The following DLC1 variants were observed in gnomAD, a reference collection of about 807,000 sequenced individuals.
DLC1 encodes the protein rho GTPase-activating protein 7.
A neutral mutation model predicts 140.3 loss-of-function variants in DLC1; 54 were observed. The observed-to-expected ratio is 0.38, with a 90% confidence interval of 0.31 to 0.48. The LOEUF is 0.48. Among genes scored for constraint, DLC1 ranks in the 20% least tolerant of loss-of-function variants. The pLI, the probability that DLC1 is intolerant of heterozygous loss-of-function variation, is 0.96. For synonymous variants in DLC1, 986 were observed against 728.1 expected, an observed-to-expected ratio of 1.35 and a Z score of -5.70; for missense variants, 2,536 against 1,907.0, an observed-to-expected ratio of 1.33 and a Z score of -6.14.
At chr8:13,451,061 A>AAAAAAAAAG (rs1563357501) in intron 2 of DLC1, among the ~76,000 whole-genome samples, 1 of 138,466 alleles carries the variant, frequency 7.2e-6, no homozygotes, top group Non-Finnish European at 1.5e-5. Flanking sequence ...AAAAAAAAAA[A>AAAAAAAAAG]AAAAAAAGAA....
chr8:13,600,041 T>G (rs989855814), intron 1 of DLC1, among the ~76,000 whole-genome samples: 2 of 151,900 alleles, frequency 1.3e-5, no homozygotes, highest in African/African-American at 2.4e-5. Context: ...TTGGAGAAGT[T>G]GACATGAATG....
chr8:13,500,375 A>G (rs944324788), intron 1 of DLC1, among the ~76,000 whole-genome samples, 179 bp from the exon 2 acceptor site: 4 of 152,218 alleles, frequency 2.6e-5, no homozygotes, highest in African/African-American at 9.6e-5. Context: ...GAAATTTAAC[A>G]TTGAATATTT....
chr8:13,218,196 A>G (rs191104833), intron 5 of DLC1, among the ~76,000 whole-genome samples: 173 of 152,322 alleles, frequency 1.1e-3, no homozygotes, highest in African/African-American at 4.0e-3. Flanking sequence ...CATGCAAATT[A>G]ATAAACTAGG....
chr8:13,583,517 C>G (rs539314590), intron 1 of DLC1, among the ~76,000 whole-genome samples: 2 of 152,262 alleles, frequency 1.3e-5, no homozygotes, highest in East Asian at 3.9e-4. Flanking sequence ...GTACTGAAGT[C>G]TTAAACCCCT....
chr8:13,429,620 C>CT (rs1257267709), intron 2 of DLC1, among the ~76,000 whole-genome samples: 1 of 152,162 alleles, frequency 6.6e-6, no homozygotes, highest in African/African-American at 2.4e-5. Context: ...TCCTATGTAT[C>CT]TTTTGCCATG....
At chr8:13,142,227 C>G (rs1002827392) in intron 5 of DLC1, among the ~76,000 whole-genome samples, 1 of 152,164 alleles carries the variant, frequency 6.6e-6, no homozygotes, top group African/African-American at 2.4e-5. Flanking sequence ...TTATAAATTA[C>G]CCAGTCTTGG....
At chr8:13,522,898 G>A (rs1227083682) in intron 1 of DLC1, among the ~76,000 whole-genome samples, 1 of 152,068 alleles carries the variant, frequency 6.6e-6, no homozygotes, top group Non-Finnish European at 1.5e-5. Context: ...AGAGTTCCAG[G>A]TAGAATGAAC....
intron 1 of DLC1, among the ~76,000 whole-genome samples, chr8:13,544,028 T>G (rs1292025809): frequency 6.6e-6 from 1 of 151,890 alleles, no homozygotes; most frequent in Non-Finnish European, 1.5e-5. Flanking sequence ...AAAATAAAAA[T>G]GAACAATTTG....
At chr8:13,600,021 C>G (rs1309888856) in intron 1 of DLC1, among the ~76,000 whole-genome samples, 1 of 151,908 alleles carries the variant, frequency 6.6e-6, no homozygotes, top group African/African-American at 2.4e-5. Context: ...GCACTACTTT[C>G]TTTCGTTAGT....
At chr8:13,139,586 G>A (rs1391060863) in intron 5 of DLC1, among the ~76,000 whole-genome samples, 1 of 152,192 alleles carries the variant, frequency 6.6e-6, no homozygotes, top group African/African-American at 2.4e-5. Flanking sequence ...TCTTAGTCCT[G>A]ATTTGATAAA....
chr8:13,167,004 T>C (rs7838373), intron 5 of DLC1, among the ~76,000 whole-genome samples: 68,744 of 151,942 alleles, frequency 0.45, 16,193 homozygotes, highest in East Asian at 0.83. Context: ...AAATTTTGCC[T>C]AGTTCATCTC....
chr8:13,230,329 A>C (rs1184168829), intron 5 of DLC1, among the ~76,000 whole-genome samples: 3 of 152,320 alleles, frequency 2.0e-5, no homozygotes, highest in South Asian at 2.1e-4. Flanking sequence ...GTAAGGTCCA[A>C]CCAGATTTGC....
At chr8:13,202,833 C>T (rs977182269) in intron 5 of DLC1, among the ~76,000 whole-genome samples, 1 of 152,006 alleles carries the variant, frequency 6.6e-6, no homozygotes, top group Non-Finnish European at 1.5e-5. Flanking sequence ...ACCTCTGTGT[C>T]TCGCTAATTG....
rs941450429 is a variant in DLC1, at chr8:13,098,559, G to T, written c.3007C>A (p.His1003Asn). ...GGCCGATGTGAGCTCTGGAAACTGT[G>T]CCATCTCAGTCGGTGCCTGCGAGAG... ...TRSNRHRLRW[H>N]SFQSSHRPSL... Residue 1003 changes from histidine (H) to asparagine (N), a missense_variant, in exon 10 of 18, where the codon CAC (histidine) becomes AAC (asparagine). By Grantham distance (68) the His-to-Asn change is moderately conservative. Coordinates refer to ENST00000276297, the MANE Select transcript of DLC1 (RefSeq NM_182643.3). 1 of 1,614,086 alleles carries T rather than the reference G, an allele frequency of 6.2e-7. No individual in the cohort carries two copies. The highest frequency in any genetic ancestry group is 8.5e-7 in the Non-Finnish European group (1 of 1,179,988).
intron 4 of DLC1, among the ~76,000 whole-genome samples, chr8:13,352,133 C>T (rs1294505183): frequency 1.3e-5 from 2 of 152,132 alleles, no homozygotes; most frequent in Non-Finnish European, 2.9e-5. Flanking sequence ...CAACTGTTTA[C>T]AAGACACTGT....
chr8:13,453,435 TATGTATATATATAC>T lies in DLC1; in HGVS notation c.1023+45600_1023+45613del, dbSNP rs1563359991. ...ATATATATATATATGTGTATATATA[TATGTATATATATAC>T]ATATATATATGTATATATATACATA... is the stretch of plus-strand genomic sequence containing the variant. On this transcript the variant is annotated intron_variant, in intron 2 of 17. Coordinates refer to ENST00000276297, the MANE Select transcript of DLC1 (RefSeq NM_182643.3). 8.0e-4 allele frequency among the ~76,000 whole-genome samples: 27 copies of T among 33,644 alleles called. 1 individual carries two copies. Among genetic ancestry groups the T allele is most frequent in the African/African-American group, 2.2e-3 (16 of 7,242 alleles). 22.1% of individuals were successfully genotyped at this position (33,644 alleles called of 152,430 possible).
chr8:13,210,979 A>G (rs1449470022), intron 5 of DLC1, among the ~76,000 whole-genome samples: 2 of 152,178 alleles, frequency 1.3e-5, no homozygotes, highest in African/African-American at 2.4e-5. Context: ...TACAACTACT[A>G]AACAAATAAA....
intron 15 of DLC1, 150 bp downstream of exon 15, chr8:13,090,102 G>C: frequency 1.5e-6 from 1 of 665,170 alleles, no homozygotes; most frequent in East Asian, 2.8e-5. Context: ...TCTCACCACG[G>C]GGATCTTACT....
intron 5 of DLC1, among the ~76,000 whole-genome samples, chr8:13,192,306 T>C (rs1052182935): frequency 1.3e-5 from 2 of 152,154 alleles, no homozygotes; most frequent in African/African-American, 4.8e-5. Context: ...CTCAATGCTG[T>C]GCAATTTTGG....
Sources: allele counts gnomAD v4.1 joint callset (sites outside exome capture counted in the v4.1 genomes callset), GRCh38; gene constraint gnomAD v4.1.1; transcripts MANE v1.5; gene names NCBI Gene and HGNC (gene_info 2026-07-23, HGNC 2026-07-21).